The following UGT1A4 variants were observed in gnomAD, a reference collection of about 807,000 sequenced individuals.
The protein encoded by UGT1A4 is UDP-glucuronosyltransferase 1A4.
A neutral mutation model predicts 41.1 loss-of-function variants in UGT1A4; 32 were observed. The observed-to-expected ratio is 0.78, with a 90% CI of 0.59 to 1.05. The LOEUF (loss-of-function observed/expected upper bound fraction) is 1.05, where lower values mean the gene tolerates loss of function less well. Ranked by LOEUF, UGT1A4 falls within the 50% of genes least tolerant of loss-of-function variation. UGT1A4 has a pLI of 0.00. For synonymous variants in UGT1A4, 283 were observed against 265.1 expected, an observed-to-expected ratio of 1.07 and a Z score of -0.66; for missense variants, 748 against 677.4, an observed-to-expected ratio of 1.10 and a Z score of -1.16.
At chr2:233,724,263 A>G (rs1575551181) in intron 1 of UGT1A4, among the ~76,000 whole-genome samples, 11 of 125,726 alleles carry the variant, frequency 8.7e-5, no homozygotes, top group Admixed American at 7.6e-4. Context: ...CACCTCCCGG[A>G]CGGGGCGGCT....
intron 1 of UGT1A4, among the ~76,000 whole-genome samples, chr2:233,736,119 C>T (rs933260681): frequency 3.9e-5 from 6 of 152,336 alleles, no homozygotes; most frequent in South Asian, 2.1e-4. Context: ...CAACTTGTTT[C>T]CATTCTCCGC....
At chr2:233,744,357 G>A (rs1350694311) in intron 1 of UGT1A4, among the ~76,000 whole-genome samples, 2 of 151,858 alleles carry the variant, frequency 1.3e-5, no homozygotes, top group South Asian at 2.1e-4. Context: ...AAGACATCCT[G>A]TTGTTTAGGA....
chr2:233,724,727 G>A (rs1271460613), intron 1 of UGT1A4, among the ~76,000 whole-genome samples: 6 of 144,662 alleles, frequency 4.1e-5, no homozygotes. Context: ...GGGCAGCCAG[G>A]CAGAGGGGCT....
At chr2:233,761,294 G>A in intron 1 of UGT1A4, 1 of 1,510,470 alleles carries the variant, frequency 6.6e-7, no homozygotes, top group East Asian at 2.3e-5. Context: ...TGACTCCTAG[G>A]TTTGAGTCTG....
In UGT1A4 at chr2:233,767,996, A is replaced by G. The variant is rs555884765; in HGVS notation, c.1087+60A>G. The G allele has an allele frequency of 8.8e-4, 1,425 of 1,614,192 alleles. 2 individuals are homozygous for G. The highest frequency in any genetic ancestry group is 7.6e-4 in the Non-Finnish European group (900 of 1,180,046). ...AGGGTCAAATTAAGAAAATGGCTTA[A>G]GCACAGCTATTCTAAAGGATTGTTG... On this transcript the variant is annotated intron_variant, in intron 3 of 4. Transcript: ENST00000373409.
In UGT1A4 at chr2:233,767,044, C is replaced by A. The variant is rs758873309; in HGVS notation, c.878C>A (p.Ala293Asp). Residue 293 changes from alanine (A) to aspartate (D), a missense_variant, in exon 2 of 5, where the codon GCC becomes GAC. Ala to Asp is a moderately radical substitution (Grantham distance 126, BLOSUM62 -2). Coordinates refer to ENST00000373409, the MANE Select transcript of UGT1A4 (RefSeq NM_007120.3). ...NGKPLSQEFE[A>D]YINASGEHGI... ...TTCTTCTGGCTCTAGGAATTTGAAG[C>A]CTACATTAATGCTTCTGGAGAACAT... 1.2e-6 allele frequency: 2 copies of A among 1,613,992 alleles called. No homozygotes were observed. Among genetic ancestry groups the A allele is most frequent in the Non-Finnish European group, 1.7e-6 (2 of 1,179,984 alleles).
At chr2:233,746,173 T>C (rs1289105015) in intron 1 of UGT1A4, among the ~76,000 whole-genome samples, 1 of 151,822 alleles carries the variant, frequency 6.6e-6, no homozygotes, top group Non-Finnish European at 1.5e-5. Context: ...AAATCTTGCC[T>C]GTAAGGAATA....
intron 1 of UGT1A4, chr2:233,760,629 G>C: frequency 1.2e-6 from 2 of 1,614,104 alleles, no homozygotes; most frequent in Non-Finnish European, 1.7e-6. Context: ...AAACATACAA[G>C]AAAATAAAAA....
In UGT1A4 at chr2:233,767,158, C is replaced by T; in HGVS notation, c.992C>T (p.Pro331Leu). ...MAIADALGKI[P>L]QTVLWRYTGT... Reference sequence around the variant, plus strand: ...ATTGCTGATGCTTTGGGCAAAATCCCTCAGACAGTAAGAAGATTCTATACC... The same window carrying T: ...ATTGCTGATGCTTTGGGCAAAATCCTTCAGACAGTAAGAAGATTCTATACC... Residue 331 changes from proline to leucine, a missense_variant, in exon 2 of 5, where the codon CCT (proline) becomes CTT (leucine). Transcript: ENST00000373409. The T allele has an allele frequency of 6.2e-7, 1 of 1,614,062 alleles. No individual in the cohort carries two copies. Among genetic ancestry groups the T allele is most frequent in the Non-Finnish European group, 8.5e-7 (1 of 1,179,998 alleles).
chr2:233,726,660 C>T (rs1324715982), intron 1 of UGT1A4, among the ~76,000 whole-genome samples: 1 of 152,178 alleles, frequency 6.6e-6, no homozygotes, highest in Non-Finnish European at 1.5e-5. Flanking sequence ...TTAATTTAAT[C>T]ATATCTGTGA....
chr2:233,747,176 G>A lies in UGT1A4; in HGVS notation c.868-19858G>A, dbSNP rs762899554. 48 of 1,600,122 alleles carry A rather than the reference G, an allele frequency of 3.0e-5. 1 individual carries two copies. The highest frequency in any genetic ancestry group is 8.1e-5 in the African/African-American group (6 of 74,200). On this transcript the variant is annotated intron_variant, in intron 1 of 4. Coordinates refer to ENST00000373409, the MANE Select transcript of UGT1A4 (RefSeq NM_007120.3). ...AGAAAACAAATGTAGGAGGCACAGCGTGGGGTGGACAGTCAGCTGTCCGTG... is the reference window on the plus strand; with the variant it reads ...AGAAAACAAATGTAGGAGGCACAGCATGGGGTGGACAGTCAGCTGTCCGTG...
chr2:233,769,576 T>C lies in UGT1A4; in HGVS notation c.1307+1137T>C. The C allele has an allele frequency of 3.1e-6, 5 of 1,612,860 alleles. No individual in the cohort carries two copies. Among genetic ancestry groups the C allele is most frequent in the Non-Finnish European group, 4.2e-6 (5 of 1,179,860 alleles). ...GACAGATGTGAAGAGCTGGAGCATG[T>C]TCAGATGAGAGGAGACGGAACACGG... On this transcript the variant is annotated intron_variant, in intron 4 of 4. Coordinates refer to ENST00000373409, the MANE Select transcript of UGT1A4 (RefSeq NM_007120.3). The surrounding 1 kb of genome is among the most constrained non-coding windows in gnomAD (Gnocchi z 4.4).
chr2:233,729,276 G>C (rs765243640), intron 1 of UGT1A4: 57 of 1,614,114 alleles, frequency 3.5e-5, no homozygotes, highest in African/African-American at 5.3e-5. Flanking sequence ...TCTTGCGGGA[G>C]CTCCATGCCA....
chr2:233,730,043 T>A (rs766678673), intron 1 of UGT1A4: 9 of 1,612,624 alleles, frequency 5.6e-6, no homozygotes, highest in South Asian at 2.2e-5. Context: ...AAACACTTTT[T>A]AAAAAAATGT....
At chr2:233,768,085 C>T (rs1699559246) in intron 3 of UGT1A4, 135 bp from the exon 4 acceptor site, 1 of 1,591,380 alleles carries the variant, frequency 6.3e-7, no homozygotes, top group East Asian at 2.2e-5. Context: ...TATCTCAACC[C>T]ACATTTTCTT....
rs1297959872 is a variant in UGT1A4 at position 233,724,603 on chromosome 2, C to T, written c.867+4916C>T. ...CGCTCCCCACATCTCAGACGATGGG[C>T]GGCCGGGCAGAGACGCTCCTCACTT... On this transcript the variant is annotated intron_variant, in intron 1 of 4. Transcript: ENST00000373409. Among the ~76,000 whole-genome samples the T allele has an allele frequency of 1.4e-4, 18 of 132,966 alleles. 2 individuals are homozygous for T. In the South Asian group the frequency reaches 1.5e-3, roughly 11 times the overall value. The allele number at this position is 132,966 out of a possible 152,430, so 87.2% of individuals were successfully genotyped here.
chr2:233,729,125 A>G lies in UGT1A4; in HGVS notation c.867+9438A>G, dbSNP rs760047362. On this transcript the variant is annotated intron_variant, in intron 1 of 4. Transcript: ENST00000373409. ...AGTCAGCTGTCCGTGTCTTCTGCTG[A>G]GATGGCCACAGGACTCCAGGTTCCC... 5 of 1,613,014 alleles carry G rather than the reference A, an allele frequency of 3.1e-6. No individual in the cohort carries two copies. The African/African-American group carries it at 6.7e-5, about 22-fold the overall frequency.
intron 1 of UGT1A4, among the ~76,000 whole-genome samples, chr2:233,761,373 T>G (rs1041958865): frequency 6.6e-6 from 1 of 152,254 alleles, no homozygotes; most frequent in Middle Eastern, 3.2e-3. Context: ...TTGGACATTT[T>G]ACTCTGTGTG....
intron 1 of UGT1A4, among the ~76,000 whole-genome samples, chr2:233,764,916 G>T (rs906085592): frequency 6.6e-6 from 1 of 152,212 alleles, no homozygotes; most frequent in Non-Finnish European, 1.5e-5. Flanking sequence ...GAGGACTCAC[G>T]AGGGCCTGGG....
Sources: gnomAD v4.1 joint callset for allele counts (sites outside exome capture counted in the v4.1 genomes callset) on GRCh38, gnomAD v4.1.1 for gene constraint, Gnocchi (gnomAD v3.1) non-coding constraint, MANE v1.5 for transcripts, NCBI Gene and HGNC (gene_info 2026-07-23, HGNC 2026-07-21) for gene names.